The following ATP8A1 variants were observed in gnomAD, a reference collection of about 807,000 sequenced individuals.
The protein encoded by ATP8A1 is phospholipid-transporting ATPase IA.
In ATP8A1, 90 loss-of-function variants were observed where a neutral mutation model predicts 177.7. The observed-to-expected ratio is 0.51, with a 90% CI of 0.43 to 0.60. The LOEUF is 0.60. Among genes scored for constraint, ATP8A1 ranks in the 20% least tolerant of loss-of-function variants. The pLI, the probability that ATP8A1 is intolerant of heterozygous loss-of-function variation, is 0.00. For missense variants in ATP8A1, 1,072 were observed against 1,392.8 expected (o/e 0.77, Z 3.67); for synonymous variants, 493 against 485.9 (o/e 1.01, Z -0.19).
chr4:42,635,782 CATATATATATATATATAT>C (rs764452182), intron 1 of ATP8A1, among the ~76,000 whole-genome samples: 8 of 51,992 alleles, frequency 1.5e-4, no homozygotes, highest in Middle Eastern at 0.025. Flanking sequence ...CACACACACA[CATATATATATATATATAT>C]ATATATATAT....
intron 1 of ATP8A1, among the ~76,000 whole-genome samples, chr4:42,640,322 A>T (rs971183984): frequency 1.3e-5 from 2 of 152,248 alleles, no homozygotes; most frequent in African/African-American, 4.8e-5. Context: ...TGTTTCTCAT[A>T]CAAAGAATAT....
At position 42,524,829 on chromosome 4, in the gene ATP8A1, G is replaced by A. The variant is rs755553887; in HGVS notation, c.1741C>T (p.Arg581Ter). ...TTGTATTTTGACGTCTCTGCCAGTC[G>A]ATCATAAATTACAGTGTCCTGGAAA... ...CKGADTVIYD[R>*]LAETSKYKEI... The change falls in exon 21 of 37, where the codon CGA becomes TGA. Residue 581 changes from arginine to a stop codon, truncating the protein, a stop_gained. Transcript: ENST00000381668. LOFTEE classifies it high-confidence loss of function. 2 of 1,607,646 alleles carry A rather than the reference G, an allele frequency of 1.2e-6. No homozygotes were observed. The highest frequency in any genetic ancestry group is 8.5e-7 in the Non-Finnish European group (1 of 1,176,968).
chr4:42,601,679 G>A (rs980883837), intron 5 of ATP8A1, among the ~76,000 whole-genome samples: 18 of 152,142 alleles, frequency 1.2e-4, no homozygotes, highest in African/African-American at 4.3e-4. Context: ...TGAGGGAAAA[G>A]CATTTAATAT....
intron 25 of ATP8A1, among the ~76,000 whole-genome samples, chr4:42,475,821 T>G (rs2153186673): frequency 6.6e-6 from 1 of 152,150 alleles, no homozygotes; most frequent in East Asian, 1.9e-4. Flanking sequence ...GTAGATCACC[T>G]GAGGTCAGGA....
intron 33 of ATP8A1, among the ~76,000 whole-genome samples, chr4:42,435,157 G>A (rs1715770383): frequency 6.6e-6 from 1 of 152,150 alleles, no homozygotes; most frequent in Non-Finnish European, 1.5e-5. Flanking sequence ...TGGGCGTGGT[G>A]GCTCACGCCT....
chr4:42,581,811 G>T (rs892356203), intron 9 of ATP8A1, 79 bp from the exon 10 acceptor site: 2 of 992,070 alleles, frequency 2.0e-6, no homozygotes, highest in Non-Finnish European at 3.1e-6. Flanking sequence ...AGTTACAAAA[G>T]TACCCATTAT....
intron 1 of ATP8A1, among the ~76,000 whole-genome samples, chr4:42,636,160 A>G (rs139514486): frequency 0.21 from 28,501 of 132,856 alleles, 2,985 homozygotes; most frequent in Non-Finnish European, 0.22. Flanking sequence ...ACACACACGC[A>G]CACACACACA....
chr4:42,435,608 C>A (rs547186051), intron 33 of ATP8A1, among the ~76,000 whole-genome samples: 1 of 152,268 alleles, frequency 6.6e-6, no homozygotes, highest in Admixed American at 6.5e-5. Flanking sequence ...GGCAGAGAGG[C>A]AGTCCGCCCT....
intron 24 of ATP8A1, among the ~76,000 whole-genome samples, chr4:42,498,061 C>A (rs1274442150): frequency 6.6e-6 from 1 of 152,188 alleles, no homozygotes; most frequent in Non-Finnish European, 1.5e-5. Flanking sequence ...AGCACCAATG[C>A]TGGCAGTGGA....
At chr4:42,451,377 G>A (rs1717914466) in intron 30 of ATP8A1, among the ~76,000 whole-genome samples, 1 of 152,202 alleles carries the variant, frequency 6.6e-6, no homozygotes, top group Non-Finnish European at 1.5e-5. Context: ...TCGGCTCCAA[G>A]ACAGAGCAGC....
At chr4:42,499,259 C>T (rs1437013236) in intron 24 of ATP8A1, among the ~76,000 whole-genome samples, 2 of 152,292 alleles carry the variant, frequency 1.3e-5, no homozygotes, top group East Asian at 1.9e-4. Context: ...AAATTTATGT[C>T]TCCAAACATC....
intron 25 of ATP8A1, among the ~76,000 whole-genome samples, chr4:42,481,387 T>C (rs1721653620): frequency 6.6e-6 from 1 of 152,212 alleles, no homozygotes; most frequent in Non-Finnish European, 1.5e-5. Context: ...TATATCTGGG[T>C]TCCCTGGAAG....
chr4:42,490,764 A>C (rs1177938609), intron 24 of ATP8A1, among the ~76,000 whole-genome samples: 1 of 152,228 alleles, frequency 6.6e-6, no homozygotes, highest in Non-Finnish European at 1.5e-5. Flanking sequence ...AAATAAACCA[A>C]GACACATTCC....
At chr4:42,631,686 T>A (rs1418937535) in intron 1 of ATP8A1, among the ~76,000 whole-genome samples, 1 of 152,222 alleles carries the variant, frequency 6.6e-6, no homozygotes. Context: ...TTTAACCCCA[T>A]GACTTACCCC....
chr4:42,549,041 CAT>C lies in ATP8A1; in HGVS notation c.1622_1623del (p.Tyr541Ter). The C allele has an allele frequency of 6.2e-7, 1 of 1,612,286 alleles. No individual in the cohort carries two copies. Among genetic ancestry groups the C allele is most frequent in the Non-Finnish European group, 8.5e-7 (1 of 1,178,850 alleles). The part of the protein sequence containing the change: ...IIDSLGQEER[Y>X]ELLNVLEFTS... ...GTAAACTCCAAGACATTGAGCAATT[CAT>C]ATCTTTCTTCCTGCCCCAGCTAAGA... On this transcript the variant is annotated frameshift_variant, in exon 19 of 37. Transcript: ENST00000381668. LOFTEE classifies it high-confidence loss of function.
In ATP8A1 at chr4:42,656,940, G is replaced by A. The variant is rs1400365957; in HGVS notation, c.-67C>T. 6 of 1,421,732 alleles carry A rather than the reference G, an allele frequency of 4.2e-6. No individual in the cohort carries two copies. The highest frequency in any genetic ancestry group is 5.6e-6 in the Non-Finnish European group (6 of 1,068,672). The allele number at this position is 1,421,732 out of a possible 1,614,324, so 88.1% of individuals were successfully genotyped here. A position where few individuals can be genotyped will look rare whatever the true frequency, so the allele number is the denominator to read the frequency against. ...ACCTGTCACGGCGTGGTACACGCGG[G>A]AGACCCGGCTGCGCCGCGCAGAGCG... On this transcript the variant is annotated 5_prime_UTR_variant, in exon 1 of 37. Coordinates refer to ENST00000381668, the MANE Select transcript of ATP8A1 (RefSeq NM_006095.2).
intron 35 of ATP8A1, among the ~76,000 whole-genome samples, chr4:42,418,854 T>A (rs895541204): frequency 1.3e-5 from 2 of 152,208 alleles, no homozygotes; most frequent in Non-Finnish European, 2.9e-5. Context: ...ACCAAGATGA[T>A]TTTTTCTGAA....
chr4:42,560,117 A>G (rs767037969), intron 15 of ATP8A1, among the ~76,000 whole-genome samples: 3 of 152,242 alleles, frequency 2.0e-5, no homozygotes, highest in Non-Finnish European at 2.9e-5. Context: ...TTTATGGAAT[A>G]TGAAAAAATC....
chr4:42,416,319 T>C (rs372848152), intron 35 of ATP8A1, among the ~76,000 whole-genome samples: 42 of 152,306 alleles, frequency 2.8e-4, no homozygotes, highest in African/African-American at 7.9e-4. Flanking sequence ...GACTAGAGGA[T>C]GGCAATGTAT....
Sources: gnomAD v4.1 joint callset for allele counts (sites outside exome capture counted in the v4.1 genomes callset) on GRCh38, gnomAD v4.1.1 for gene constraint, MANE v1.5 for transcripts, NCBI Gene and HGNC (gene_info 2026-07-23, HGNC 2026-07-21) for gene names.